CCNB3: variants seen among roughly 807,000 people sequenced by gnomAD.
CCNB3 encodes the protein cyclin B3.
In CCNB3, 12 loss-of-function variants were observed where a neutral mutation model predicts 68.0. The observed-to-expected ratio is 0.18, with a 90% CI of 0.11 to 0.29. The LOEUF (loss-of-function observed/expected upper bound fraction) is 0.29. CCNB3 is among the 10% of genes least tolerant of loss of function. The pLI is 1.00. For synonymous variants in CCNB3, 354 were observed against 388.9 expected (o/e 0.91, Z 1.06); for missense variants, 904 against 993.1 (o/e 0.91, Z 1.21).
intron 6 of CCNB3, among the ~76,000 whole-genome samples, chrX:50,311,741 C>T (rs1285976880): frequency 9.1e-6 from 1 of 110,360 alleles, no homozygotes; most frequent in African/African-American, 3.3e-5. Context: ...AGAATCATCT[C>T]TTCTCACCTT....
At chrX:50,285,840 G>GA (rs1278481356) in intron 3 of CCNB3, among the ~76,000 whole-genome samples, 1 of 111,553 alleles carries the variant, frequency 9.0e-6, no homozygotes, top group Non-Finnish European at 1.9e-5. Flanking sequence ...TCCTTGATTG[G>GA]TTTTCTCTGA....
rs1557214852 is a variant in CCNB3 at position 50,311,114 on chromosome X, C to T, written c.2945C>T (p.Pro982Leu). 8.3e-7 allele frequency: 1 copy of T among 1,210,010 alleles called. No individual in the cohort carries two copies. The highest frequency in any genetic ancestry group is 1.7e-5 in the African/African-American group (1 of 57,203). ...AGCCCAAATGTGTCTAGCACTGCCCCTGAATCCATAACCAGCAAGTCCAGC... is the reference window on the plus strand; with the variant it reads ...AGCCCAAATGTGTCTAGCACTGCCCTTGAATCCATAACCAGCAAGTCCAGC... ...GTSPNVSSTA[P>L]ESITSKSSIA... Residue 982 changes from proline (P) to leucine (L), a missense_variant, in exon 6 of 13, where the codon CCT becomes CTT. Physicochemically the swap from Pro to Leu is moderately conservative, Grantham distance 98 (BLOSUM62 -3). Transcript: ENST00000376042.
rs782260477 is a variant in CCNB3 at position 50,309,318 on chromosome X, A to G, written c.1149A>G (p.Val383=). The G allele has an allele frequency of 8.3e-7, 1 of 1,211,279 alleles. No homozygotes were observed. Among genetic ancestry groups the G allele is most frequent in the Non-Finnish European group, 1.1e-6 (1 of 895,013 alleles). Residue 383 remains valine (V), a synonymous_variant, in exon 6 of 13, where the codon GTA becomes GTG. Coordinates refer to ENST00000376042, the MANE Select transcript of CCNB3 (RefSeq NM_033031.3). The stretch of plus-strand genomic sequence containing the variant: ...CTGAGGAGGCAATCATGATGCCAGT[A>G]ATATTGAAGGAGCAGTGCATGACTG... ...PSTEEAIMMP[V]ILKEQCMTEG...
At chrX:50,327,137 C>T (rs781940673) in intron 8 of CCNB3, among the ~76,000 whole-genome samples, 15 of 112,068 alleles carry the variant, frequency 1.3e-4, no homozygotes, top group Non-Finnish European at 2.6e-4. Context: ...GTTGTAGCTG[C>T]TTTAAATTAC....
chrX:50,350,207 G>T, intron 11 of CCNB3, among the ~76,000 whole-genome samples: 1 of 108,048 alleles, frequency 9.3e-6, no homozygotes, highest in East Asian at 2.9e-4. Flanking sequence ...TACTTACTAT[G>T]TTCCAGACTC....
chrX:50,330,634 A>G (rs1922551308), intron 8 of CCNB3, among the ~76,000 whole-genome samples: 1 of 112,247 alleles, frequency 8.9e-6, no homozygotes, highest in East Asian at 2.8e-4. Context: ...TACAGGGAGT[A>G]GTAAGCAGGT....
intron 1 of CCNB3, among the ~76,000 whole-genome samples, chrX:50,218,857 A>G (rs1322194761): frequency 2.7e-5 from 3 of 111,806 alleles, no homozygotes; most frequent in African/African-American, 9.8e-5. Flanking sequence ...GAATTGCCAC[A>G]CTGTCTTCCA....
In CCNB3 at chrX:50,347,608, T is replaced by G; in HGVS notation, c.3811-18T>G. 8.4e-7 allele frequency: 1 copy of G among 1,195,193 alleles called. No homozygotes were observed. Among genetic ancestry groups the G allele is most frequent in the Non-Finnish European group, 1.1e-6 (1 of 884,596 alleles). The stretch of plus-strand genomic sequence containing the variant: ...TTTTCTAAATTGATTTCTGAGCCAG[T>G]CTTCTCATTGCCTTTAGTGTATCCA... On this transcript the variant is annotated intron_variant, in intron 10 of 12. Coordinates refer to ENST00000376042, the MANE Select transcript of CCNB3 (RefSeq NM_033031.3).
At chrX:50,321,423 A>G (rs1557216561) in intron 8 of CCNB3, among the ~76,000 whole-genome samples, 1 of 111,747 alleles carries the variant, frequency 8.9e-6, no homozygotes, top group African/African-American at 3.2e-5. Context: ...TTTCTAGAAT[A>G]TTTATAGTTT....
intron 4 of CCNB3, among the ~76,000 whole-genome samples, chrX:50,289,548 T>C (rs1936309993): frequency 1.8e-5 from 2 of 111,894 alleles, no homozygotes; most frequent in South Asian, 7.5e-4. Flanking sequence ...CCAAAGGCAA[T>C]CTTTGTCTTA....
intron 8 of CCNB3, among the ~76,000 whole-genome samples, chrX:50,314,191 A>C (rs111929054): frequency 2.7e-5 from 3 of 112,389 alleles, no homozygotes; most frequent in Non-Finnish European, 3.8e-5. Context: ...AACTAATTGA[A>C]AGGAGAGACT....
chrX:50,219,634 C>T (rs1278989402), intron 1 of CCNB3, among the ~76,000 whole-genome samples: 1 of 111,206 alleles, frequency 9.0e-6, no homozygotes, highest in African/African-American at 3.3e-5. Context: ...GTCTATATAT[C>T]TGTTTTGGTA....
intron 9 of CCNB3, among the ~76,000 whole-genome samples, chrX:50,343,089 C>T (rs965403539): frequency 9.0e-6 from 1 of 111,230 alleles, no homozygotes; most frequent in Non-Finnish European, 1.9e-5. Flanking sequence ...GGAGGTTTTC[C>T]AGAAGAAGGC....
At chrX:50,319,243 T>C (rs1486560652) in intron 8 of CCNB3, among the ~76,000 whole-genome samples, 1 of 111,201 alleles carries the variant, frequency 9.0e-6, no homozygotes, top group Non-Finnish European at 1.9e-5. Flanking sequence ...CAGATAGAAT[T>C]GGCGCGTTAC....
chrX:50,206,121 C>T (rs1557205467), intron 1 of CCNB3, among the ~76,000 whole-genome samples: 1 of 109,478 alleles, frequency 9.1e-6, no homozygotes, highest in Admixed American at 9.8e-5. Context: ...TGGTGGCATG[C>T]GTCTATAGCT....
chrX:50,213,299 T>C (rs1935512315), intron 1 of CCNB3, among the ~76,000 whole-genome samples: 1 of 112,352 alleles, frequency 8.9e-6, no homozygotes, highest in Non-Finnish European at 1.9e-5. Context: ...AATGTCTATG[T>C]TGGATTACAT....
chrX:50,308,173 G>A (rs888161844), intron 5 of CCNB3, among the ~76,000 whole-genome samples: 8 of 112,240 alleles, frequency 7.1e-5, no homozygotes, highest in African/African-American at 2.6e-4. Flanking sequence ...GCTAGTGAAG[G>A]AGACTGATGT....
At chrX:50,228,357 G>GAT (rs1314254208) in intron 1 of CCNB3, among the ~76,000 whole-genome samples, 1 of 82,557 alleles carries the variant, frequency 1.2e-5, no homozygotes, top group African/African-American at 4.3e-5. Flanking sequence ...ATATATAGAA[G>GAT]ATATATATAC....
In CCNB3 at chrX:50,310,819, C is replaced by A; in HGVS notation, c.2650C>A (p.Pro884Thr). 1 of 1,211,739 alleles carries A rather than the reference C, an allele frequency of 8.3e-7. No individual in the cohort carries two copies. Among genetic ancestry groups the A allele is most frequent in the Non-Finnish European group, 1.1e-6 (1 of 895,502 alleles). The change falls in exon 6 of 13, where the codon CCC becomes ACC. Residue 884 changes from proline (P) to threonine (T), a missense_variant. This residue lies in a region of CCNB3 where 285 missense variants were observed against 383.4 expected (regional missense o/e 0.74). Coordinates refer to ENST00000376042, the MANE Select transcript of CCNB3 (RefSeq NM_033031.3). ...GCGACACTCAGCTTTGTGGGAGAAG[C>A]CCAGCACTGAGAAGGAGACCATCTT... Reference protein sequence around the residue: ...FKRHSALWEKPSTEKETIFKE... With the variant: ...FKRHSALWEKTSTEKETIFKE...
Sources: gnomAD v4.1 joint callset for allele counts (sites outside exome capture counted in the v4.1 genomes callset) on GRCh38, gnomAD v4.1.1 for gene constraint, gnomAD v4.1.1 regional missense constraint, MANE v1.5 for transcripts, NCBI Gene and HGNC (gene_info 2026-07-23, HGNC 2026-07-21) for gene names.